Variants in NEGR1 observed in about 807,000 individuals in gnomAD.
NEGR1 encodes IgLON family member 4.
Under a neutral mutation model 40.9 loss-of-function variants are expected in NEGR1, and 10 were observed. The ratio of observed to expected loss-of-function variants is 0.24; its 90% confidence interval spans 0.15 to 0.42. The LOEUF (loss-of-function observed/expected upper bound fraction) is 0.42. Among genes scored for constraint, NEGR1 ranks in the 10% least tolerant of loss-of-function variants. NEGR1 has a pLI of 1.00. For synonymous variants in NEGR1, 185 were observed against 166.8 expected (o/e 1.11, Z -0.84); for missense variants, 352 against 438.9 (o/e 0.80, Z 1.77).
intron 6 of NEGR1, among the ~76,000 whole-genome samples, chr1:71,562,059 A>G (rs185569464): frequency 0.012 from 1,798 of 151,520 alleles, 25 homozygotes; most frequent in South Asian, 0.027. Context: ...AGGCATGAAG[A>G]TCCGCTAATA....
intron 6 of NEGR1, among the ~76,000 whole-genome samples, chr1:71,466,221 G>T (rs576499586): frequency 6.6e-6 from 1 of 152,030 alleles, no homozygotes; most frequent in Non-Finnish European, 1.5e-5. Context: ...ATAGCCCTTA[G>T]TAAAAGAAGT....
At chr1:71,590,011 G>A (rs970739984) in intron 6 of NEGR1, among the ~76,000 whole-genome samples, 4 of 151,966 alleles carry the variant, frequency 2.6e-5, no homozygotes, top group African/African-American at 9.7e-5. Context: ...GTATTGAATT[G>A]TTTCATACTG....
chr1:71,735,733 T>C (rs1051379938), intron 3 of NEGR1, among the ~76,000 whole-genome samples: 1 of 152,088 alleles, frequency 6.6e-6, no homozygotes, highest in Non-Finnish European at 1.5e-5. Context: ...GTGCAATAGA[T>C]AAAATATACT....
chr1:71,960,860 A>C (rs959136017), intron 1 of NEGR1, among the ~76,000 whole-genome samples: 1 of 152,174 alleles, frequency 6.6e-6, no homozygotes, highest in Non-Finnish European at 1.5e-5. Context: ...AATGAACTGT[A>C]AGTTTTGTAG....
intron 2 of NEGR1, among the ~76,000 whole-genome samples, chr1:71,933,052 T>C (rs573376447): frequency 6.6e-6 from 1 of 152,182 alleles, no homozygotes; most frequent in South Asian, 2.1e-4. Context: ...TTTTATCCAA[T>C]CTTATACTTT....
At chr1:71,654,506 T>C (rs1651818014) in intron 4 of NEGR1, among the ~76,000 whole-genome samples, 1 of 152,118 alleles carries the variant, frequency 6.6e-6, no homozygotes. Flanking sequence ...GCTCAGAAAA[T>C]AAAATATGTT....
At chr1:71,798,022 A>G (rs1657403787) in intron 2 of NEGR1, 2 of 152,024 alleles carry the variant, frequency 1.3e-5, no homozygotes, top group Admixed American at 1.3e-4. Context: ...ATTCTTTAAC[A>G]TTGGCCAACA....
chr1:71,750,633 A>G (rs1655540705), intron 3 of NEGR1, among the ~76,000 whole-genome samples: 1 of 152,108 alleles, frequency 6.6e-6, no homozygotes, highest in Non-Finnish European at 1.5e-5. Context: ...ACTATCGAGA[A>G]CAGCATGGGA....
At chr1:72,029,710 A>G (rs1489247401) in intron 1 of NEGR1, among the ~76,000 whole-genome samples, 1 of 152,228 alleles carries the variant, frequency 6.6e-6, no homozygotes, top group Non-Finnish European at 1.5e-5. Flanking sequence ...AAAACAAAGC[A>G]TTTGAATGTC....
At chr1:71,881,854 T>G (rs1660592541) in intron 2 of NEGR1, among the ~76,000 whole-genome samples, 1 of 152,108 alleles carries the variant, frequency 6.6e-6, no homozygotes, top group Admixed American at 6.6e-5. Context: ...GGTATGCACT[T>G]AATCTTGCTA....
intron 6 of NEGR1, among the ~76,000 whole-genome samples, chr1:71,507,447 G>A (rs894347398): frequency 2.0e-5 from 3 of 152,142 alleles, no homozygotes; most frequent in Non-Finnish European, 4.4e-5. Flanking sequence ...TGCAATACTC[G>A]GGAATTATGG....
intron 6 of NEGR1, among the ~76,000 whole-genome samples, chr1:71,527,443 CCATCCAT>C (rs1647232175): frequency 1.4e-5 from 2 of 142,186 alleles, no homozygotes; most frequent in South Asian, 2.3e-4. Context: ...ATCCATCCAT[CCATCCAT>C]GGGTAATCAG....
At chr1:72,033,949 G>T (rs978415081) in intron 1 of NEGR1, among the ~76,000 whole-genome samples, 1 of 152,008 alleles carries the variant, frequency 6.6e-6, no homozygotes, top group African/African-American at 2.4e-5. Context: ...GCCTGCCATG[G>T]GTTATTGCTT....
At chr1:71,703,561 CA>C (rs1379739978) in intron 3 of NEGR1, among the ~76,000 whole-genome samples, 2 of 143,924 alleles carry the variant, frequency 1.4e-5, no homozygotes, top group Non-Finnish European at 3.1e-5. Flanking sequence ...GAAGTCTTTA[CA>C]AAAAATAAAT....
intron 2 of NEGR1, among the ~76,000 whole-genome samples, chr1:71,816,101 C>A (rs895469812): frequency 6.6e-6 from 1 of 151,972 alleles, no homozygotes; most frequent in African/African-American, 2.4e-5. Flanking sequence ...GCAGAAGATG[C>A]AGTAAAATTT....
intron 6 of NEGR1, among the ~76,000 whole-genome samples, chr1:71,432,979 C>T (rs908824378): frequency 6.6e-6 from 1 of 152,126 alleles, no homozygotes; most frequent in African/African-American, 2.4e-5. Context: ...GGCCTTGCCT[C>T]CCATAAAACT....
chr1:72,017,926 CA>C (rs552199436), intron 1 of NEGR1, among the ~76,000 whole-genome samples: 173 of 151,986 alleles, frequency 1.1e-3, no homozygotes, highest in Non-Finnish European at 1.4e-3. Context: ...TTCTAATTTC[CA>C]AAATTATACT....
At chr1:71,787,678 G>A (rs113906554) in intron 2 of NEGR1, among the ~76,000 whole-genome samples, 2,458 of 152,086 alleles carry the variant, frequency 0.016, 60 homozygotes, top group African/African-American at 0.056. Context: ...ATTACATGTT[G>A]GACAATTTTC....
chr1:72,184,347 G>A (rs894188435), intron 1 of NEGR1, among the ~76,000 whole-genome samples: 8 of 152,104 alleles, frequency 5.3e-5, no homozygotes, highest in Non-Finnish European at 1.2e-4. Flanking sequence ...GCAGCAGAAA[G>A]ACATTTCGCA....
Sources: gnomAD v4.1 joint callset for allele counts (sites outside exome capture counted in the v4.1 genomes callset) on GRCh38, gnomAD v4.1.1 for gene constraint, MANE v1.5 for transcripts, NCBI Gene and HGNC (gene_info 2026-07-23, HGNC 2026-07-21) for gene names.